Variants in SPOP observed in about 807,000 individuals in gnomAD.
SPOP encodes speckle type BTB/POZ protein, also known as speckle-type POZ protein.
A neutral mutation model predicts 45.6 loss-of-function variants in SPOP; 11 were observed. The observed-to-expected ratio is 0.24, with a 90% CI of 0.15 to 0.40. The LOEUF is 0.40. Ranked by LOEUF, SPOP falls within the 10% of genes least tolerant of loss-of-function variation. SPOP has a pLI of 1.00. For synonymous variants in SPOP, 166 were observed against 166.3 expected, an observed-to-expected ratio of 1.00 and a Z score of 0.01; for missense variants, 152 against 465.6, an observed-to-expected ratio of 0.33 and a Z score of 6.20.
At chr17:49,602,099 A>T in intron 8 of SPOP, 92 bp from the exon 9 acceptor site, 2 of 1,437,960 alleles carry the variant, frequency 1.4e-6, no homozygotes, top group Non-Finnish European at 1.9e-6. Context: ...CCATCATATT[A>T]ACTAGATACT....
chr17:49,612,467 GA>G (rs1214971892), intron 5 of SPOP, among the ~76,000 whole-genome samples: 1 of 152,176 alleles, frequency 6.6e-6, no homozygotes, highest in Non-Finnish European at 1.5e-5. Flanking sequence ...AGCTTTGGAA[GA>G]TAATGATGAC....
intron 1 of SPOP, among the ~76,000 whole-genome samples, chr17:49,628,722 C>T (rs2072388944): frequency 6.6e-6 from 1 of 152,150 alleles, no homozygotes; most frequent in African/African-American, 2.4e-5. Flanking sequence ...ACACTCTGGT[C>T]CCAAGCATTT....
At chr17:49,662,352 T>C (rs890264173) in intron 1 of SPOP, among the ~76,000 whole-genome samples, 7 of 152,158 alleles carry the variant, frequency 4.6e-5, no homozygotes, top group Admixed American at 4.6e-4. Flanking sequence ...ACTATCTGGC[T>C]GAAAATCCAA....
Position 49,599,094 on chromosome 17 carries a change from T to G in SPOP, c.*1284A>C, listed in dbSNP as rs1334428012. The G allele has an allele frequency of 1.9e-5, 4 of 207,546 alleles. No individual in the cohort carries two copies. The highest frequency in any genetic ancestry group is 3.9e-5 in the Non-Finnish European group (4 of 101,494). The allele number at this position is 207,546 out of a possible 1,614,324, so 12.9% of individuals were successfully genotyped here. A position where few individuals can be genotyped will look rare whatever the true frequency, so the allele number is the denominator to read the frequency against. ...GAGATACTCAGGGAGGACAAGAGAC[T>G]GGCAGATGCTGATAGCTCACAAAGA... On this transcript the variant is annotated 3_prime_UTR_variant, in exon 10 of 10. Transcript: ENST00000504102.
At chr17:49,657,502 G>A (rs146797307) in intron 1 of SPOP, among the ~76,000 whole-genome samples, 1 of 150,850 alleles carries the variant, frequency 6.6e-6, no homozygotes, top group Non-Finnish European at 1.5e-5. Context: ...GGGTTCTAAC[G>A]ATTCTCCTGC....
intron 1 of SPOP, among the ~76,000 whole-genome samples, chr17:49,657,629 C>A (rs1289931783): frequency 2.0e-5 from 3 of 151,218 alleles, no homozygotes; most frequent in African/African-American, 7.3e-5. Context: ...GAACTCCTGA[C>A]CCTATGATCC....
At chr17:49,645,911 T>C (rs1025466389) in intron 1 of SPOP, among the ~76,000 whole-genome samples, 6 of 152,220 alleles carry the variant, frequency 3.9e-5, no homozygotes, top group East Asian at 1.9e-4. Flanking sequence ...TGACCAACAG[T>C]TGCTTTCAAC....
rs58762222 is a variant in SPOP at position 49,676,041 on chromosome 17, A to G, written c.-67+1892T>C. 3 of 152,298 alleles carry G rather than the reference A, an allele frequency of 2.0e-5. No individual in the cohort carries two copies. The East Asian group carries it at 5.8e-4, about 29-fold the overall frequency. The allele number at this position is 152,298 out of a possible 1,614,324, so 9.4% of individuals were successfully genotyped here. A position where few individuals can be genotyped will look rare whatever the true frequency, so the allele number is the denominator to read the frequency against. ...TCTCAAAAAAAAAAGGAAAAAAGAAAAAATCTAAGCATCCCAATGGCCGAA... is the reference window on the plus strand; with the variant it reads ...TCTCAAAAAAAAAAGGAAAAAAGAAGAAATCTAAGCATCCCAATGGCCGAA... On this transcript the variant is annotated intron_variant, in intron 1 of 9. Coordinates refer to ENST00000504102, the MANE Select transcript of SPOP (RefSeq NM_001007228.2).
chr17:49,618,934 T>C, intron 5 of SPOP, 47 bp downstream of exon 5: 1 of 1,579,428 alleles, frequency 6.3e-7, no homozygotes, highest in Non-Finnish European at 8.6e-7. Context: ...CTACCAATAC[T>C]CATCAGATCT....
At chr17:49,625,143 C>T (rs367790341) in intron 1 of SPOP, among the ~76,000 whole-genome samples, 30 of 152,250 alleles carry the variant, frequency 2.0e-4, no homozygotes, top group African/African-American at 6.7e-4. Flanking sequence ...CCTTTGAGAA[C>T]TGCTGTCCTA....
At chr17:49,641,879 C>G (rs2072658891) in intron 1 of SPOP, among the ~76,000 whole-genome samples, 1 of 151,458 alleles carries the variant, frequency 6.6e-6, no homozygotes, top group East Asian at 1.9e-4. Flanking sequence ...AAAAATTAGC[C>G]GGGTGTGGTA....
At chr17:49,606,937 T>G (rs1233100600) in intron 8 of SPOP, 2 of 265,332 alleles carry the variant, frequency 7.5e-6, no homozygotes, top group Non-Finnish European at 7.1e-6. Flanking sequence ...ATCCAAATGT[T>G]AGTATTATTT....
chr17:49,661,949 G>A (rs1404862794), intron 1 of SPOP, among the ~76,000 whole-genome samples: 2 of 149,150 alleles, frequency 1.3e-5, no homozygotes, highest in Non-Finnish European at 3.0e-5. Context: ...GAAGGCGGAG[G>A]TTGCGGTGAG....
rs532753493 is a variant in SPOP at position 49,639,998 on chromosome 17, C to T, written c.-66-17122G>A. Among the ~76,000 whole-genome samples the T allele has an allele frequency of 1.4e-4, 22 of 152,226 alleles. No homozygotes were observed. The South Asian group carries it at 4.1e-3, about 29-fold the overall frequency. On this transcript the variant is annotated intron_variant, in intron 1 of 9. Transcript: ENST00000504102. ...GGCATGGTGGCTCACGCCTGTAATT[C>T]GAACACTTTGGGAGGCTGAGGAGGG...
chr17:49,609,291 G>A (rs1350486344), intron 6 of SPOP, among the ~76,000 whole-genome samples: 1 of 152,158 alleles, frequency 6.6e-6, no homozygotes, highest in African/African-American at 2.4e-5. Context: ...CTACCGAAAG[G>A]ATATCAATTC....
intron 1 of SPOP, among the ~76,000 whole-genome samples, chr17:49,623,918 CA>C (rs1439494857): frequency 6.6e-6 from 1 of 152,112 alleles, no homozygotes; most frequent in African/African-American, 2.4e-5. Flanking sequence ...ATCTTTATGG[CA>C]ATTTCATCCA....
chr17:49,602,008 C>G lies in SPOP; in HGVS notation c.838-1G>C. The G allele has an allele frequency of 6.2e-7, 1 of 1,613,914 alleles. No homozygotes were observed. Among genetic ancestry groups the G allele is most frequent in the Non-Finnish European group, 8.5e-7 (1 of 1,179,876 alleles). ...TGACCTTTAAGCGCTCCAGGGCATA[C>G]TGTAAAACACAAGCACTGCTGTCAT... On this transcript the variant is annotated splice_acceptor_variant, in intron 8 of 9. Transcript: ENST00000504102. LOFTEE classifies it high-confidence loss of function.
At chr17:49,660,576 C>T (rs1597977550) in intron 1 of SPOP, among the ~76,000 whole-genome samples, 1 of 152,308 alleles carries the variant, frequency 6.6e-6, no homozygotes, top group East Asian at 1.9e-4. Context: ...AGAATAGCAT[C>T]TGGCACATAA....
At chr17:49,668,838 A>G (rs1317838169) in intron 1 of SPOP, among the ~76,000 whole-genome samples, 8 of 146,972 alleles carry the variant, frequency 5.4e-5, no homozygotes, top group East Asian at 2.0e-4. Context: ...GTGCAATGGC[A>G]CGATCTCGGC....
Sources: gnomAD v4.1 joint callset for allele counts (sites outside exome capture counted in the v4.1 genomes callset) on GRCh38, gnomAD v4.1.1 for gene constraint, MANE v1.5 for transcripts, NCBI Gene and HGNC (gene_info 2026-07-23, HGNC 2026-07-21) for gene names.